POLR2E: variants seen among roughly 807,000 people sequenced by gnomAD.
POLR2E encodes the protein RNA polymerase II, I and III subunit E, also known as DNA-directed RNA polymerases I, II, and III subunit RPABC1.
In POLR2E, 35 loss-of-function variants were observed where a neutral mutation model predicts 29.8. That is an observed-to-expected ratio of 1.17 (90% CI 0.90 to 1.55). POLR2E has a LOEUF of 1.55. POLR2E is among the 40% of genes most tolerant of loss of function. The pLI is 0.00. For synonymous variants in POLR2E, 174 were observed against 112.6 expected (o/e 1.55, Z -3.45); for missense variants, 287 against 288.6 (o/e 0.99, Z 0.04).
Position 1,087,918 on chromosome 19 carries a change from T to G in POLR2E, c.*817A>C, listed in dbSNP as rs778180465. 2 of 152,090 alleles carry G rather than the reference T, an allele frequency of 1.3e-5. No homozygotes were observed. Among genetic ancestry groups the G allele is most frequent in the African/African-American group, 2.4e-5 (1 of 41,342 alleles). 9.4% of individuals were successfully genotyped at this position (152,090 alleles called of 1,614,324 possible). On this transcript the variant is annotated 3_prime_UTR_variant, in exon 8 of 8. Coordinates refer to ENST00000615234, the MANE Select transcript of POLR2E (RefSeq NM_002695.5). The stretch of plus-strand genomic sequence containing the variant: ...GGGAAGTAGAGCCAGATCCCAAACG[T>G]CTGTAAGAGGAACTGGCCGCAAACC...
intron 2 of POLR2E, 143 bp from the exon 3 acceptor site, chr19:1,092,050 G>C (rs1392136632): frequency 1.6e-6 from 1 of 628,638 alleles, no homozygotes; most frequent in Non-Finnish European, 2.9e-6. Context: ...TTTGCAAAAC[G>C]AGGCCTGAGT....
At chr19:1,091,992 G>A in intron 2 of POLR2E, 85 bp from the exon 3 acceptor site, 1 of 920,764 alleles carries the variant, frequency 1.1e-6, no homozygotes, top group Non-Finnish European at 1.8e-6. Flanking sequence ...CCAGGTTCCA[G>A]CCCCATTCCA....
rs372313949 is a variant in POLR2E at position 1,091,838 on chromosome 19, C to T, written c.302G>A (p.Arg101Gln). 9.7e-5 allele frequency: 156 copies of T among 1,612,974 alleles called. No homozygotes were observed. The highest frequency in any genetic ancestry group is 1.2e-4 in the Non-Finnish European group (145 of 1,179,846). Residue 101 changes from arginine (R) to glutamine (Q), a missense_variant, in exon 3 of 8, where the codon CGG becomes CAG. Physicochemically the swap from Arg to Gln is conservative, Grantham distance 43. Transcript: ENST00000615234. ...GCCCTGCTGCACCACGATGAGAGCC[C>T]GTGTGATGTTCTCCTCCTGCATGCG... ...CQRMQEENIT[R>Q]ALIVVQQGMT... is the part of the protein sequence containing the mutation.
chr19:1,089,686 C>T (rs766825144), intron 6 of POLR2E, 135 bp from the exon 7 acceptor site: 5 of 833,800 alleles, frequency 6.0e-6, no homozygotes, highest in Non-Finnish European at 1.0e-5. Flanking sequence ...GTGGGACCCG[C>T]TCCCTGGGAA....
At position 1,087,246 on chromosome 19, in the gene POLR2E, TG is replaced by T. The variant is rs2043714326; in HGVS notation, c.*1488del. On this transcript the variant is annotated 3_prime_UTR_variant, in exon 8 of 8. Transcript: ENST00000615234. ...TGAGCTCAAGCGATCCTCCACTTCC[TG>T]GGTTCAAGTGATTCTCCTGCCTTAG... 1 of 152,090 alleles carries T rather than the reference TG, an allele frequency of 6.6e-6. No individual in the cohort carries two copies. The highest frequency in any genetic ancestry group is 2.4e-5 in the African/African-American group (1 of 41,406). 9.4% of individuals were successfully genotyped at this position (152,090 alleles called of 1,614,324 possible). A position where few individuals can be genotyped will look rare whatever the true frequency, so the allele number is the denominator to read the frequency against.
In POLR2E at chr19:1,088,425, CCAA is replaced by C. The variant is rs1255863558; in HGVS notation, c.*307_*309del. ...GGTGGGAGACCCGGACCCCAAACCC[CCAA>C]CAGAGGGGACCCAGCGTGGTCTGGG... On this transcript the variant is annotated 3_prime_UTR_variant, in exon 8 of 8. Coordinates refer to ENST00000615234, the MANE Select transcript of POLR2E (RefSeq NM_002695.5). The C allele has an allele frequency of 6.6e-6, 1 of 152,332 alleles. No individual in the cohort carries two copies. Among genetic ancestry groups the C allele is most frequent in the African/African-American group, 2.4e-5 (1 of 41,454 alleles). The allele number at this position is 152,332 out of a possible 1,614,324, so 9.4% of individuals were successfully genotyped here. A position where few individuals can be genotyped will look rare whatever the true frequency, so the allele number is the denominator to read the frequency against.
Position 1,093,442 on chromosome 19 carries a change from G to A in POLR2E, c.232+462C>T, listed in dbSNP as rs916245333. 1.1e-4 allele frequency among the ~76,000 whole-genome samples: 17 copies of A among 151,990 alleles called. No homozygotes were observed. In the South Asian group the frequency reaches 2.9e-3, roughly 26 times the overall value. On this transcript the variant is annotated intron_variant, in intron 2 of 7. Coordinates refer to ENST00000615234, the MANE Select transcript of POLR2E (RefSeq NM_002695.5). ...AGGCCCGAGCACAAGCTCGAGGGAC[G>A]AGTACCGGACGCTGACAGGGGAGAG...
intron 7 of POLR2E, 141 bp downstream of exon 7, chr19:1,089,331 G>A (rs2043778053): frequency 1.6e-6 from 1 of 613,388 alleles, no homozygotes; most frequent in Non-Finnish European, 2.9e-6. Context: ...GGGGTGTCCT[G>A]GGAGCGCCTG....
At position 1,089,959 on chromosome 19, in the gene POLR2E, C is replaced by G; in HGVS notation, c.492G>C (p.Lys164Asn). The change falls in exon 6 of 8, where the codon AAG becomes AAC. Residue 164 changes from lysine (K) to asparagine (N), a missense_variant. Coordinates refer to ENST00000615234, the MANE Select transcript of POLR2E (RefSeq NM_002695.5). ...TCCTGGGCAGCTGGTTCTCTCGGAG[C>G]TTACTGCGAAGCACCGTCAGGAAAA... ...EEVTELLARY[K>N]LRENQLPRIQ... 1 of 1,607,098 alleles carries G rather than the reference C, an allele frequency of 6.2e-7. No individual in the cohort carries two copies. The highest frequency in any genetic ancestry group is 1.1e-5 in the South Asian group (1 of 90,906).
rs940788935 is a variant in POLR2E at position 1,087,586 on chromosome 19, A to C, written c.*1149T>G. On this transcript the variant is annotated 3_prime_UTR_variant, in exon 8 of 8. Coordinates refer to ENST00000615234, the MANE Select transcript of POLR2E (RefSeq NM_002695.5). The stretch of plus-strand genomic sequence containing the variant: ...TCCCGGGAACCCCCATCCTACTTCC[A>C]GTCTCTGACGACTCTAGTGACCTCC... 6.6e-6 allele frequency: 1 copy of C among 150,488 alleles called. No individual in the cohort carries two copies. The highest frequency in any genetic ancestry group is 2.4e-5 in the African/African-American group (1 of 40,968). 9.3% of individuals were successfully genotyped at this position (150,488 alleles called of 1,614,324 possible). A position where few individuals can be genotyped will look rare whatever the true frequency, so the allele number is the denominator to read the frequency against.
chr19:1,089,850 C>G (rs763817295), intron 6 of POLR2E, 34 bp downstream of exon 6: 1 of 1,546,008 alleles, frequency 6.5e-7, no homozygotes, highest in African/African-American at 1.4e-5. Context: ...CAGCTCAGAG[C>G]AGCCCCAGGG....
Position 1,088,189 on chromosome 19 carries a change from C to T in POLR2E, c.*546G>A, listed in dbSNP as rs1346640110. On this transcript the variant is annotated 3_prime_UTR_variant, in exon 8 of 8. Coordinates refer to ENST00000615234, the MANE Select transcript of POLR2E (RefSeq NM_002695.5). ...TTTCTGTATCAAGCAAATTTATTTG[C>T]TCAAAACATCTTTACCATTTGAAAA... is the stretch of plus-strand genomic sequence containing the variant. The T allele has an allele frequency of 2.0e-5, 3 of 152,384 alleles. No individual in the cohort carries two copies. The highest frequency in any genetic ancestry group is 2.9e-5 in the Non-Finnish European group (2 of 68,044). The allele number at this position is 152,384 out of a possible 1,614,324, so 9.4% of individuals were successfully genotyped here.
Position 1,087,714 on chromosome 19 carries a change from A to T in POLR2E, c.*1021T>A, listed in dbSNP as rs943361178. On this transcript the variant is annotated 3_prime_UTR_variant, in exon 8 of 8. Transcript: ENST00000615234. The stretch of plus-strand genomic sequence containing the variant: ...GAGAAGGGGAAGCACTGTCCCCATC[A>T]CACACACAGTCCGCGGCCTGGGGAT... The T allele has an allele frequency of 6.6e-6, 1 of 152,298 alleles. No individual in the cohort carries two copies. The highest frequency in any genetic ancestry group is 2.4e-5 in the African/African-American group (1 of 41,426). 9.4% of individuals were successfully genotyped at this position (152,298 alleles called of 1,614,324 possible).
rs1296359146 is a variant in POLR2E at position 1,088,178 on chromosome 19, A to T, written c.*557T>A. On this transcript the variant is annotated 3_prime_UTR_variant, in exon 8 of 8. Coordinates refer to ENST00000615234, the MANE Select transcript of POLR2E (RefSeq NM_002695.5). ...AGTCGGCCTGGTTTCTGTATCAAGC[A>T]AATTTATTTGCTCAAAACATCTTTA... 1.3e-5 allele frequency: 2 copies of T among 152,384 alleles called. No individual in the cohort carries two copies. Among genetic ancestry groups the T allele is most frequent in the Non-Finnish European group, 1.5e-5 (1 of 68,048 alleles). 9.4% of individuals were successfully genotyped at this position (152,384 alleles called of 1,614,324 possible). A position where few individuals can be genotyped will look rare whatever the true frequency, so the allele number is the denominator to read the frequency against.
Position 1,090,070 on chromosome 19 carries a change from G to A in POLR2E, c.488+17C>T. ...AGGGACAGGGAGGGGCGGGGCCGGT[G>A]GGGCTGGAAAGGATACTATCGGGCC... On this transcript the variant is annotated intron_variant, in intron 5 of 7. Transcript: ENST00000615234. The A allele has an allele frequency of 1.2e-6, 2 of 1,610,836 alleles. No homozygotes were observed. The highest frequency in any genetic ancestry group is 1.7e-6 in the Non-Finnish European group (2 of 1,178,572).
chr19:1,093,803 A>G (rs780110208), intron 2 of POLR2E, 101 bp downstream of exon 2: 28 of 1,442,284 alleles, frequency 1.9e-5, no homozygotes, highest in Non-Finnish European at 2.6e-5. Flanking sequence ...GCAGAGAGAC[A>G]AATGCTGGGC....
chr19:1,092,695 T>A (rs1209415680), intron 2 of POLR2E, among the ~76,000 whole-genome samples: 7 of 147,044 alleles, frequency 4.8e-5, no homozygotes, highest in Non-Finnish European at 7.5e-5. Flanking sequence ...CTCAAAAAAA[T>A]TAATTAATTA....
Position 1,095,308 on chromosome 19 carries a change from T to G in POLR2E, c.8A>C (p.Asp3Ala), listed in dbSNP as rs779992371. Residue 3 changes from aspartate (D) to alanine (A), a missense_variant, in exon 1 of 8, where the codon GAC becomes GCC. Asp to Ala is a moderately radical substitution (Grantham distance 126). Transcript: ENST00000615234. MD[D>A]EEETYRLWKI... ...CCAGAGCCGGTACGTCTCCTCCTCG[T>G]CGTCCATGGCAGCCTCCGCCGCCGC... The G allele has an allele frequency of 1.2e-6, 2 of 1,613,032 alleles. No individual in the cohort carries two copies. Among genetic ancestry groups the G allele is most frequent in the East Asian group, 2.2e-5 (1 of 44,852 alleles).
In POLR2E at chr19:1,087,614, G is replaced by A. The variant is rs1267681084; in HGVS notation, c.*1121C>T. ...CTCTGACGACTCTAGTGACCTCCTA[G>A]GAGTGACATCAGTGTTTGTCCCTTT... On this transcript the variant is annotated 3_prime_UTR_variant, in exon 8 of 8. Coordinates refer to ENST00000615234, the MANE Select transcript of POLR2E (RefSeq NM_002695.5). 1 of 152,040 alleles carries A rather than the reference G, an allele frequency of 6.6e-6. No homozygotes were observed. Among genetic ancestry groups the A allele is most frequent in the African/African-American group, 2.4e-5 (1 of 41,338 alleles). The allele number at this position is 152,040 out of a possible 1,614,324, so 9.4% of individuals were successfully genotyped here.
Sources: gnomAD v4.1 joint callset for allele counts (sites outside exome capture counted in the v4.1 genomes callset) on GRCh38, gnomAD v4.1.1 for gene constraint, MANE v1.5 for transcripts, NCBI Gene and HGNC (gene_info 2026-07-23, HGNC 2026-07-21) for gene names.